NAALADL2: variants seen among roughly 807,000 people sequenced by gnomAD.
NAALADL2 encodes the protein N-acetylated alpha-linked acidic dipeptidase like 2.
NAALADL2 carries 76 observed loss-of-function variants against 87.2 expected under a neutral mutation model. That is an observed-to-expected ratio of 0.87 (90% CI 0.72 to 1.05). The LOEUF is 1.05. Ranked by LOEUF, NAALADL2 falls within the 50% of genes least tolerant of loss-of-function variation. The pLI, the probability that NAALADL2 is intolerant of heterozygous loss-of-function variation, is 0.00. For missense variants in NAALADL2, 1,089 were observed against 945.8 expected (o/e 1.15, Z -1.99); for synonymous variants, 354 against 331.0 (o/e 1.07, Z -0.75).
chr3:175,200,331 C>T (rs546093954), intron 2 of NAALADL2, among the ~76,000 whole-genome samples: 39 of 152,042 alleles, frequency 2.6e-4, no homozygotes, highest in African/African-American at 9.2e-4. Flanking sequence ...AGGATAAAAT[C>T]CTTTCTCACT....
At chr3:175,236,749 C>T (rs1030682003) in intron 3 of NAALADL2, among the ~76,000 whole-genome samples, 2 of 152,016 alleles carry the variant, frequency 1.3e-5, no homozygotes, top group African/African-American at 4.8e-5. Context: ...AATCCACTTT[C>T]CTGTGATATT....
intron 2 of NAALADL2, among the ~76,000 whole-genome samples, chr3:175,148,478 C>T (rs923501327): frequency 2.0e-5 from 3 of 152,020 alleles, no homozygotes; most frequent in Non-Finnish European, 4.4e-5. Context: ...GTTTTTGATG[C>T]AGTTACTTTG....
At chr3:174,529,314 G>A (rs1443257831) in intron 1 of NAALADL2, among the ~76,000 whole-genome samples, 4 of 152,194 alleles carry the variant, frequency 2.6e-5, no homozygotes, top group East Asian at 1.9e-4. Context: ...GATGCAAGAG[G>A]TGGGTTCCCA....
At chr3:175,274,940 A>G (rs1285427910) in intron 4 of NAALADL2, among the ~76,000 whole-genome samples, 2 of 152,220 alleles carry the variant, frequency 1.3e-5, no homozygotes, top group African/African-American at 2.4e-5. Flanking sequence ...AAAACTTGTC[A>G]GGAAGACAAA....
At chr3:175,446,068 T>C (rs757269422) in intron 5 of NAALADL2, among the ~76,000 whole-genome samples, 54 of 152,264 alleles carry the variant, frequency 3.5e-4, no homozygotes, top group Non-Finnish European at 6.8e-4. Flanking sequence ...ATGGAGGATG[T>C]TGTGGGTGAG....
intron 2 of NAALADL2, among the ~76,000 whole-genome samples, chr3:174,571,464 C>T (rs1714914600): frequency 6.6e-6 from 1 of 152,084 alleles, no homozygotes. Flanking sequence ...AAAAACTCCG[C>T]CTCCTGGGTT....
intron 2 of NAALADL2, among the ~76,000 whole-genome samples, chr3:174,597,516 A>G (rs1055231163): frequency 2.0e-5 from 3 of 152,182 alleles, no homozygotes; most frequent in African/African-American, 7.2e-5. Context: ...TAAGGATAGC[A>G]ATCTCAGGCC....
chr3:174,659,132 T>C (rs1725266749), intron 2 of NAALADL2, among the ~76,000 whole-genome samples: 2 of 152,202 alleles, frequency 1.3e-5, no homozygotes, highest in African/African-American at 4.8e-5. Flanking sequence ...TGAATAGTTA[T>C]GATGTGGAAA....
Position 174,482,113 on chromosome 3 carries a change from C to A in NAALADL2, c.-184+41081C>A, listed in dbSNP as rs554113773. 2.6e-5 allele frequency among the ~76,000 whole-genome samples: 4 copies of A among 152,180 alleles called. No homozygotes were observed. The East Asian group carries it at 7.7e-4, about 29-fold the overall frequency. Reference sequence around the variant, plus strand: ...TCATACCTGCTATATTAACTCTTTTCTGTCCAACACCTAATGCAGTTCTTA... The same window carrying A: ...TCATACCTGCTATATTAACTCTTTTATGTCCAACACCTAATGCAGTTCTTA... On this transcript the variant is annotated intron_variant, in intron 1 of 3. Coordinates refer to the NAALADL2 transcript ENST00000434257.
intron 2 of NAALADL2, among the ~76,000 whole-genome samples, chr3:174,649,455 ATATT>A (rs2108751594): frequency 6.6e-6 from 1 of 152,234 alleles, no homozygotes; most frequent in African/African-American, 2.4e-5. Context: ...TGCATAACAT[ATATT>A]TAGGATTTCT....
intron 5 of NAALADL2, among the ~76,000 whole-genome samples, chr3:175,438,214 C>G (rs562459745): frequency 3.4e-4 from 51 of 152,096 alleles, no homozygotes; most frequent in African/African-American, 1.2e-3. Context: ...AAATAATAAT[C>G]TAAACAATAC....
chr3:174,913,483 T>G (rs1733973896), intron 1 of NAALADL2, among the ~76,000 whole-genome samples: 1 of 152,162 alleles, frequency 6.6e-6, no homozygotes, highest in Admixed American at 6.6e-5. Flanking sequence ...ATGAGTAACA[T>G]GCATTCACAA....
intron 1 of NAALADL2, among the ~76,000 whole-genome samples, chr3:174,546,326 T>A (rs938093694): frequency 6.6e-6 from 1 of 152,158 alleles, no homozygotes; most frequent in Non-Finnish European, 1.5e-5. Context: ...TGAGATATTC[T>A]GGTTCAGCCT....
intron 1 of NAALADL2, among the ~76,000 whole-genome samples, chr3:174,974,020 T>G (rs1744042236): frequency 6.6e-6 from 1 of 152,182 alleles, no homozygotes; most frequent in Non-Finnish European, 1.5e-5. Context: ...TTTTCTACAG[T>G]GACACATTAA....
At position 175,576,120 on chromosome 3, in the gene NAALADL2, A is replaced by T. The variant is rs1718847488; in HGVS notation, c.1733A>T (p.Asp578Val). The T allele has an allele frequency of 2.5e-6, 4 of 1,613,638 alleles. No individual in the cohort carries two copies. Among genetic ancestry groups the T allele is most frequent in the Non-Finnish European group, 3.4e-6 (4 of 1,179,560 alleles). Residue 578 changes from aspartate to valine, a missense_variant, in exon 10 of 14, where the codon GAT (aspartate) becomes GTT (valine). By Grantham distance (152) the Asp-to-Val change is radical. Coordinates refer to ENST00000454872, the MANE Select transcript of NAALADL2 (RefSeq NM_207015.3). ...ISSIQIQGDA[D>V]YFINHLGVPI... The stretch of plus-strand genomic sequence containing the variant: ...TCTATACAGATACAAGGTGATGCTG[A>T]TTATTTCATCAACCATCTTGGAGTT...
Position 175,173,438 on chromosome 3 carries a change from G to A in NAALADL2, c.546-60493G>A, listed in dbSNP as rs1251281775. On this transcript the variant is annotated intron_variant, in intron 2 of 13. Transcript: ENST00000454872. ...AATTGCTTGAGTCTGGGAGGCAGGG[G>A]TTGCAGTGAGCCAACGTCGTGCCAC... Among the ~76,000 whole-genome samples, 7 of 152,250 alleles carry A rather than the reference G, an allele frequency of 4.6e-5. No homozygotes were observed. In the East Asian group the frequency reaches 1.2e-3, roughly 25 times the overall value.
At chr3:174,610,629 C>T (rs947339159) in intron 2 of NAALADL2, among the ~76,000 whole-genome samples, 15 of 152,010 alleles carry the variant, frequency 9.9e-5, no homozygotes, top group Admixed American at 3.9e-4. Flanking sequence ...CCATCTCACA[C>T]CAGTTAGAAT....
intron 13 of NAALADL2, chr3:175,767,795 A>C (rs1170752883): frequency 6.6e-6 from 1 of 152,164 alleles, no homozygotes; most frequent in East Asian, 1.9e-4. Flanking sequence ...AGCCGCCTGC[A>C]GTTCTCAGGC....
chr3:175,127,230 T>A (rs1442408901), intron 2 of NAALADL2, among the ~76,000 whole-genome samples: 1 of 152,218 alleles, frequency 6.6e-6, no homozygotes, highest in East Asian at 1.9e-4. Flanking sequence ...CTTCATTATC[T>A]CCCGCTACCC....
Sources: allele counts gnomAD v4.1 joint callset (sites outside exome capture counted in the v4.1 genomes callset), GRCh38; gene constraint gnomAD v4.1.1; transcripts MANE v1.5; gene names NCBI Gene and HGNC (gene_info 2026-07-23, HGNC 2026-07-21).